SPAG9: variants seen among roughly 807,000 people sequenced by gnomAD.
SPAG9 encodes C-Jun-amino-terminal kinase-interacting protein 4.
In SPAG9, 35 loss-of-function variants were observed where a neutral mutation model predicts 166.5. The observed-to-expected ratio is 0.21, with a 90% CI of 0.16 to 0.28. The LOEUF is 0.28. Ranked by LOEUF, SPAG9 falls within the 10% of genes least tolerant of loss-of-function variation. The pLI is 1.00. For missense variants in SPAG9, 1,235 were observed against 1,603.3 expected (o/e 0.77, Z 3.92); for synonymous variants, 534 against 565.5 (o/e 0.94, Z 0.79).
intron 13 of SPAG9, among the ~76,000 whole-genome samples, chr17:51,000,742 T>C (rs1039808738): frequency 2.5e-5 from 3 of 120,096 alleles, no homozygotes; most frequent in African/African-American, 1.2e-4. Context: ...AGACTCCATC[T>C]CAATAAATGA....
intron 1 of SPAG9, among the ~76,000 whole-genome samples, chr17:51,100,706 G>A (rs903965402): frequency 5.9e-5 from 9 of 152,122 alleles, no homozygotes; most frequent in Non-Finnish European, 1.0e-4. Flanking sequence ...GATCAACTGA[G>A]GTTGGGAGTT....
chr17:51,113,934 G>A (rs1345172869), intron 1 of SPAG9, among the ~76,000 whole-genome samples: 1 of 152,176 alleles, frequency 6.6e-6, no homozygotes, highest in African/African-American at 2.4e-5. Context: ...GGCAGAGGTT[G>A]CAGTCAGCCG....
chr17:50,978,790 A>G (rs1974371498), intron 26 of SPAG9, among the ~76,000 whole-genome samples: 1 of 152,146 alleles, frequency 6.6e-6, no homozygotes, highest in Admixed American at 6.5e-5. Context: ...CGGTATGAGC[A>G]AGGAGAGTGT....
chr17:51,024,790 T>C (rs2046088661), intron 6 of SPAG9, among the ~76,000 whole-genome samples: 1 of 151,464 alleles, frequency 6.6e-6, no homozygotes, highest in South Asian at 2.1e-4. Flanking sequence ...GGCACAAGAA[T>C]CGCTTGAATG....
intron 27 of SPAG9, among the ~76,000 whole-genome samples, chr17:50,976,422 G>A (rs1280513452): frequency 1.3e-5 from 2 of 152,110 alleles, no homozygotes; most frequent in African/African-American, 4.8e-5. Context: ...AAAGGCTTCC[G>A]AAATACCTTC....
intron 9 of SPAG9, 116 bp from the exon 10 acceptor site, chr17:51,007,442 A>G (rs554059609): frequency 1.5e-5 from 7 of 466,990 alleles, no homozygotes; most frequent in Non-Finnish European, 2.2e-5. Flanking sequence ...GTCCTTTATT[A>G]ATTTTATTTT....
chr17:50,975,726 G>T, intron 27 of SPAG9: 18 of 494,610 alleles, frequency 3.6e-5, no homozygotes, highest in East Asian at 7.2e-5. Flanking sequence ...AAAAAAAAAA[G>T]ACACCTGCTG....
intron 28 of SPAG9, among the ~76,000 whole-genome samples, chr17:50,971,178 G>A (rs561218996): frequency 6.6e-5 from 10 of 152,012 alleles, no homozygotes; most frequent in Non-Finnish European, 1.5e-4. Context: ...ATGGTGGTAT[G>A]CGCCTGTAAT....
intron 1 of SPAG9, among the ~76,000 whole-genome samples, chr17:51,087,527 T>C (rs1157030388): frequency 6.6e-6 from 1 of 152,152 alleles, no homozygotes; most frequent in Non-Finnish European, 1.5e-5. Flanking sequence ...TCTCTATACC[T>C]AACCTTTTCA....
chr17:51,066,323 C>T (rs559891145), intron 2 of SPAG9, among the ~76,000 whole-genome samples: 2 of 152,046 alleles, frequency 1.3e-5, no homozygotes, highest in East Asian at 1.9e-4. Flanking sequence ...GTTGCCCAGG[C>T]TGGTCTCGAT....
intron 3 of SPAG9, among the ~76,000 whole-genome samples, chr17:51,049,507 C>T (rs1342211766): frequency 6.6e-6 from 1 of 151,948 alleles, no homozygotes; most frequent in Non-Finnish European, 1.5e-5. Context: ...GAGACCCTGT[C>T]TCTACAAAAA....
chr17:51,058,557 G>C lies in SPAG9; in HGVS notation c.425-2075C>G, dbSNP rs77601851. On this transcript the variant is annotated intron_variant, in intron 2 of 29. Transcript: ENST00000262013. ...TCATTTTAATCTGTTTTGTATATTG[G>C]AGTTTACTTTAAGATATCACTTTGG... Among the ~76,000 whole-genome samples, 784 of 152,226 alleles carry C rather than the reference G, an allele frequency of 5.2e-3. 7 individuals carry two copies. The highest frequency in any genetic ancestry group is 0.018 in the African/African-American group (729 of 41,532).
intron 6 of SPAG9, among the ~76,000 whole-genome samples, chr17:51,026,678 T>TC (rs1038741986): frequency 2.7e-5 from 4 of 145,782 alleles, no homozygotes; most frequent in African/African-American, 7.8e-5. Context: ...TCTTTTCTTT[T>TC]TTTTTTTTTT....
chr17:50,993,699 T>C, intron 19 of SPAG9, 65 bp downstream of exon 19: 1 of 1,517,478 alleles, frequency 6.6e-7, no homozygotes, highest in Non-Finnish European at 9.1e-7. Flanking sequence ...CTTCAGCTGC[T>C]ACATCAGTGC....
At chr17:51,009,153 A>G (rs958857198) in intron 9 of SPAG9, 2 of 453,562 alleles carry the variant, frequency 4.4e-6, no homozygotes, top group African/African-American at 4.0e-5. Flanking sequence ...CTACGTAAGC[A>G]GCCCAAGAGA....
chr17:51,093,605 G>T (rs1257628366), intron 1 of SPAG9, among the ~76,000 whole-genome samples: 1 of 142,378 alleles, frequency 7.0e-6, no homozygotes, highest in Non-Finnish European at 1.5e-5. Context: ...TGAGGCAGGA[G>T]AATGGCGTGA....
Position 50,990,556 on chromosome 17 carries a change from G to C in SPAG9, c.2511C>G (p.Ser837Arg). ...MTSNSSAETD[S>R]LLGGITVVGC... ...CAACCACTGTGATGCCTCCTAACAG[G>C]CTGTCTGTCTCTGCTGAGCTGTTGC... The change falls in exon 20 of 30, where the codon AGC becomes AGG. Residue 837 changes from serine (S) to arginine (R), a missense_variant. By Grantham distance (110) the Ser-to-Arg change is moderately radical. This residue lies in a region of SPAG9 where 493 missense variants were observed against 559.4 expected (regional missense o/e 0.88). Coordinates refer to ENST00000262013, the MANE Select transcript of SPAG9 (RefSeq NM_001130528.3). The C allele has an allele frequency of 6.2e-7, 1 of 1,614,080 alleles. No individual in the cohort carries two copies. Among genetic ancestry groups the C allele is most frequent in the Non-Finnish European group, 8.5e-7 (1 of 1,179,942 alleles).
At chr17:50,979,982 C>T (rs1255757839) in intron 25 of SPAG9, 65 bp from the exon 26 acceptor site, 27 of 1,484,132 alleles carry the variant, frequency 1.8e-5, no homozygotes, top group Non-Finnish European at 1.9e-5. Flanking sequence ...TAAAACTGTG[C>T]TAATTTGCAC....
chr17:51,051,706 C>A (rs548278715), intron 3 of SPAG9, among the ~76,000 whole-genome samples: 1 of 152,030 alleles, frequency 6.6e-6, no homozygotes, highest in Non-Finnish European at 1.5e-5. Flanking sequence ...GGCAACACAA[C>A]GAGACTCCCT....
Sources: allele counts gnomAD v4.1 joint callset (sites outside exome capture counted in the v4.1 genomes callset), GRCh38; gene constraint gnomAD v4.1.1; regional missense constraint gnomAD v4.1.1; transcripts MANE v1.5; gene names NCBI Gene and HGNC (gene_info 2026-07-23, HGNC 2026-07-21).